PTPRQ: variants seen among roughly 807,000 people sequenced by gnomAD.
PTPRQ encodes phosphatidylinositol phosphatase PTPRQ.
A neutral mutation model predicts 246.0 loss-of-function variants in PTPRQ; 199 were observed. The ratio of observed to expected loss-of-function variants is 0.81; its 90% confidence interval spans 0.72 to 0.91. The LOEUF (loss-of-function observed/expected upper bound fraction) is 0.91, where lower values mean the gene tolerates loss of function less well. Ranked by LOEUF, PTPRQ falls within the 40% of genes least tolerant of loss-of-function variation. The probability of loss-of-function intolerance (pLI) is 0.00; values close to 1 mark genes in which losing one functional copy is unlikely to be tolerated. For synonymous variants in PTPRQ, 869 were observed against 853.2 expected (o/e 1.02, Z -0.32); for missense variants, 2,624 against 2,528.4 (o/e 1.04, Z -0.81).
At chr12:80,527,124 T>G (rs1284914544) in intron 17 of PTPRQ, among the ~76,000 whole-genome samples, 1 of 152,078 alleles carries the variant, frequency 6.6e-6, no homozygotes, top group Admixed American at 6.6e-5. Flanking sequence ...AAGGCCATCT[T>G]TCTTATTTCT....
In PTPRQ at chr12:80,493,408, A is replaced by C. The variant is rs1052733730; in HGVS notation, c.1493A>C (p.Lys498Thr). The C allele has an allele frequency of 6.5e-7, 1 of 1,550,132 alleles. No homozygotes were observed. The highest frequency in any genetic ancestry group is 8.7e-7 in the Non-Finnish European group (1 of 1,145,918). Residue 498 changes from lysine to threonine, a missense_variant, in exon 10 of 45, where the codon AAA becomes ACA. Physicochemically the swap from Lys to Thr is moderately conservative, Grantham distance 78. Coordinates refer to ENST00000644991, the MANE Select transcript of PTPRQ (RefSeq NM_001145026.2). ...ATFIYNSHPD[K>T]NFPARNRAED... ...TTTATATATAACAGCCATCCAGATAAAAACTTTCCTGCAAGGAATAGAGCT... is the reference window on the plus strand; with the variant it reads ...TTTATATATAACAGCCATCCAGATACAAACTTTCCTGCAAGGAATAGAGCT...
At chr12:80,483,383 G>C (rs1331459741) in intron 8 of PTPRQ, among the ~76,000 whole-genome samples, 1 of 112,520 alleles carries the variant, frequency 8.9e-6, no homozygotes, top group African/African-American at 3.4e-5. Context: ...TTGTGGGGTG[G>C]GGGGAGGGGG....
intron 25 of PTPRQ, among the ~76,000 whole-genome samples, chr12:80,577,694 A>G (rs1897312353): frequency 6.6e-6 from 1 of 152,180 alleles, no homozygotes; most frequent in African/African-American, 2.4e-5. Flanking sequence ...AATTATAGCC[A>G]TGGTTTATAT....
At chr12:80,523,643 A>T (rs1895584394) in intron 17 of PTPRQ, among the ~76,000 whole-genome samples, 1 of 152,206 alleles carries the variant, frequency 6.6e-6, no homozygotes, top group African/African-American at 2.4e-5. Context: ...ATTCAGGAGC[A>T]GGGTGTTCAG....
At chr12:80,515,165 A>G (rs912551620) in intron 17 of PTPRQ, among the ~76,000 whole-genome samples, 2 of 151,986 alleles carry the variant, frequency 1.3e-5, no homozygotes, top group African/African-American at 4.8e-5. Context: ...GACTCTTACC[A>G]TAATCAGTTT....
At position 80,496,013 on chromosome 12, in the gene PTPRQ, A is replaced by C. The variant is rs1160614618; in HGVS notation, c.1897A>C (p.Thr633Pro). The change falls in exon 13 of 45, where the codon ACA becomes CCA. Residue 633 changes from threonine (T) to proline (P), a missense_variant. By Grantham distance (38) the Thr-to-Pro change is conservative. Transcript: ENST00000644991. The part of the protein sequence containing the change: ...SFLITGLKKY[T>P]KYKMRVAAST... ...TGTCCTTATAGGGTTAAAGAAATAC[A>C]CAAAATACAAAATGAGAGTGGCAGC... 6.5e-7 allele frequency: 1 copy of C among 1,549,902 alleles called. No individual in the cohort carries two copies. Among genetic ancestry groups the C allele is most frequent in the Admixed American group, 2.0e-5 (1 of 50,788 alleles).
intron 23 of PTPRQ, 112 bp downstream of exon 23, chr12:80,542,993 T>A (rs1258965280): frequency 1.3e-6 from 1 of 748,954 alleles, no homozygotes; most frequent in African/African-American, 1.9e-5. Context: ...ACTATTTTTT[T>A]AAACTTCTTT....
At chr12:80,447,574 G>A (rs539992558) in intron 3 of PTPRQ, among the ~76,000 whole-genome samples, 2 of 152,098 alleles carry the variant, frequency 1.3e-5, no homozygotes, top group South Asian at 4.1e-4. Context: ...GCTAATTTTT[G>A]TATATGCTGA....
chr12:80,615,512 C>A (rs1898719498), intron 29 of PTPRQ, among the ~76,000 whole-genome samples: 1 of 150,984 alleles, frequency 6.6e-6, no homozygotes, highest in Non-Finnish European at 1.5e-5. Context: ...TTCCTTAGCA[C>A]AAAGTTAATT....
At chr12:80,593,404 A>G (rs1897867221) in intron 26 of PTPRQ, among the ~76,000 whole-genome samples, 1 of 152,200 alleles carries the variant, frequency 6.6e-6, no homozygotes. Context: ...GATCAGGAAG[A>G]AAAGTCAGAA....
chr12:80,523,682 A>G (rs1895586316), intron 17 of PTPRQ, among the ~76,000 whole-genome samples: 2 of 152,128 alleles, frequency 1.3e-5, no homozygotes, highest in Admixed American at 1.3e-4. Context: ...GTTTTGAGAG[A>G]GTTTCTTAAT....
chr12:80,581,435 A>G (rs2120994503), intron 25 of PTPRQ, among the ~76,000 whole-genome samples: 1 of 152,266 alleles, frequency 6.6e-6, no homozygotes, highest in East Asian at 1.9e-4. Flanking sequence ...CAGGAGTTCA[A>G]GACCAGCCTG....
At chr12:80,495,436 A>G in intron 12 of PTPRQ, 65 bp downstream of exon 12, 1 of 1,460,308 alleles carries the variant, frequency 6.8e-7, no homozygotes, top group Non-Finnish European at 9.0e-7. Context: ...GGTGGAAAAT[A>G]TGCCCATCTC....
intron 25 of PTPRQ, among the ~76,000 whole-genome samples, chr12:80,579,402 C>G (rs761550525): frequency 2.6e-5 from 4 of 152,120 alleles, no homozygotes; most frequent in Non-Finnish European, 5.9e-5. Context: ...TTTGTTGCCA[C>G]TTATGTATCT....
chr12:80,501,942 C>CAAA (rs10679738), intron 14 of PTPRQ, among the ~76,000 whole-genome samples: 6,331 of 147,858 alleles, frequency 0.043, 304 homozygotes, highest in African/African-American at 0.11. Context: ...GTATGATAGG[C>CAAA]AAAAAAAAAT....
intron 14 of PTPRQ, among the ~76,000 whole-genome samples, chr12:80,498,572 T>A (rs1048173652): frequency 3.3e-5 from 5 of 152,102 alleles, no homozygotes; most frequent in Non-Finnish European, 5.9e-5. Context: ...CAAACCCATC[T>A]GACTGTAAAA....
At chr12:80,553,376 ATTGT>A (rs1896543682) in intron 25 of PTPRQ, among the ~76,000 whole-genome samples, 1 of 152,022 alleles carries the variant, frequency 6.6e-6, no homozygotes, top group Non-Finnish European at 1.5e-5. Context: ...ATTCACATGA[ATTGT>A]TTGTTGATAA....
At chr12:80,620,099 A>G in intron 31 of PTPRQ, 55 bp from the exon 32 acceptor site, 1 of 1,481,566 alleles carries the variant, frequency 6.7e-7, no homozygotes, top group East Asian at 2.5e-5. Flanking sequence ...TTATAATTGT[A>G]AAAATATATT....
intron 26 of PTPRQ, among the ~76,000 whole-genome samples, chr12:80,591,540 G>A (rs1049205060): frequency 3.3e-5 from 5 of 152,146 alleles, no homozygotes; most frequent in African/African-American, 1.2e-4. Flanking sequence ...AAAACAGATT[G>A]TTTTCCAGTG....
Sources: gnomAD v4.1 joint callset for allele counts (sites outside exome capture counted in the v4.1 genomes callset) on GRCh38, gnomAD v4.1.1 for gene constraint, MANE v1.5 for transcripts, NCBI Gene and HGNC (gene_info 2026-07-23, HGNC 2026-07-21) for gene names.